HS6ST3: variants seen among roughly 807,000 people sequenced by gnomAD.
HS6ST3 encodes heparan sulfate 6-O-sulfotransferase 3.
In HS6ST3, 12 loss-of-function variants were observed where a neutral mutation model predicts 36.7. That is an observed-to-expected ratio of 0.33 (90% CI 0.21 to 0.53). HS6ST3 has a LOEUF of 0.53. HS6ST3 is among the 20% of genes least tolerant of loss of function. The pLI is 0.95. For missense variants in HS6ST3, 584 were observed against 640.9 expected (o/e 0.91, Z 0.96); for synonymous variants, 240 against 257.5 (o/e 0.93, Z 0.65).
At chr13:96,515,460 A>G (rs1287455272) in intron 1 of HS6ST3, among the ~76,000 whole-genome samples, 1 of 152,196 alleles carries the variant, frequency 6.6e-6, no homozygotes, top group African/African-American at 2.4e-5. Flanking sequence ...CATGCAGAGC[A>G]CATTCACGTT....
At chr13:96,693,885 T>C (rs1334289506) in intron 1 of HS6ST3, among the ~76,000 whole-genome samples, 2 of 152,204 alleles carry the variant, frequency 1.3e-5, no homozygotes, top group Non-Finnish European at 2.9e-5. Flanking sequence ...TTAATTCATA[T>C]TTGCTGCTGT....
At chr13:96,821,180 C>T (rs530920670) in intron 1 of HS6ST3, among the ~76,000 whole-genome samples, 3 of 152,302 alleles carry the variant, frequency 2.0e-5, no homozygotes, top group South Asian at 2.1e-4. Flanking sequence ...TCAGAGCATC[C>T]TCTGGATCCA....
At chr13:96,284,938 T>G (rs866072266) in intron 1 of HS6ST3, among the ~76,000 whole-genome samples, 2,278 of 144,576 alleles carry the variant, frequency 0.016, 84 homozygotes, top group African/African-American at 0.053. Flanking sequence ...TTTCTTTCTT[T>G]CTTTCTTTCT....
intron 1 of HS6ST3, among the ~76,000 whole-genome samples, chr13:96,745,093 T>C (rs1352597888): frequency 5.9e-5 from 9 of 152,056 alleles, no homozygotes; most frequent in Non-Finnish European, 7.4e-5. Context: ...TCCAAGAAGA[T>C]ACATGGCCTC....
At chr13:96,786,734 T>C (rs1400209667) in intron 1 of HS6ST3, among the ~76,000 whole-genome samples, 1 of 152,232 alleles carries the variant, frequency 6.6e-6, no homozygotes, top group Admixed American at 6.5e-5. Flanking sequence ...TAAATTATTT[T>C]TAAATTTTTA....
chr13:96,566,551 C>T (rs114854299), intron 1 of HS6ST3, among the ~76,000 whole-genome samples: 11 of 151,910 alleles, frequency 7.2e-5, no homozygotes, highest in East Asian at 3.9e-4. Context: ...TATTCTTGAA[C>T]GAGGAAAACA....
At chr13:96,340,844 C>G (rs1255218482) in intron 1 of HS6ST3, among the ~76,000 whole-genome samples, 2 of 152,154 alleles carry the variant, frequency 1.3e-5, no homozygotes, top group East Asian at 3.8e-4. Context: ...AATATTCACC[C>G]CAAAAATCTT....
At chr13:96,667,566 T>C (rs919753683) in intron 1 of HS6ST3, among the ~76,000 whole-genome samples, 7 of 152,160 alleles carry the variant, frequency 4.6e-5, no homozygotes, top group African/African-American at 1.4e-4. Flanking sequence ...AGAACGATAA[T>C]GACTCGTAAA....
chr13:96,317,365 TATAA>T (rs2054979300), intron 1 of HS6ST3, among the ~76,000 whole-genome samples: 4 of 18,614 alleles, frequency 2.1e-4, no homozygotes, highest in East Asian at 1.5e-3. Flanking sequence ...TATATATATA[TATAA>T]AATTATATAT....
chr13:96,556,160 A>G (rs959624312), intron 1 of HS6ST3, among the ~76,000 whole-genome samples: 2 of 152,118 alleles, frequency 1.3e-5, no homozygotes, highest in East Asian at 3.9e-4. Context: ...TGATCAACCC[A>G]CTATTGACCA....
At chr13:96,290,017 G>A (rs1000535657) in intron 1 of HS6ST3, among the ~76,000 whole-genome samples, 2 of 152,112 alleles carry the variant, frequency 1.3e-5, no homozygotes, top group Non-Finnish European at 2.9e-5. Flanking sequence ...CTTATCTTCC[G>A]AGAAGTCTAT....
intron 1 of HS6ST3, among the ~76,000 whole-genome samples, chr13:96,441,686 C>G (rs2055672167): frequency 6.6e-6 from 1 of 152,042 alleles, no homozygotes; most frequent in African/African-American, 2.4e-5. Flanking sequence ...GAGCATGATG[C>G]TGTAAAAGTG....
intron 1 of HS6ST3, among the ~76,000 whole-genome samples, chr13:96,809,251 C>T (rs555811514): frequency 5.9e-5 from 9 of 152,250 alleles, no homozygotes; most frequent in African/African-American, 1.7e-4. Flanking sequence ...CCAATGCTAA[C>T]ATGACTCTCC....
intron 1 of HS6ST3, among the ~76,000 whole-genome samples, chr13:96,542,408 C>G (rs1330453611): frequency 1.3e-5 from 2 of 152,120 alleles, no homozygotes; most frequent in Non-Finnish European, 2.9e-5. Context: ...TTATGTCACC[C>G]TAAAATATAT....
rs760284644 is a variant in HS6ST3 at position 96,091,097 on chromosome 13, CCCGAGGGACCTCGGGGGG to C, written c.239_256del (p.Glu80_Ala85del). The C allele has an allele frequency of 2.2e-6, 3 of 1,357,070 alleles. No individual in the cohort carries two copies. Among genetic ancestry groups the C allele is most frequent in the African/African-American group, 3.1e-5 (2 of 65,052 alleles). 84.1% of individuals were successfully genotyped at this position (1,357,070 alleles called of 1,614,324 possible). On this transcript the variant is annotated inframe_deletion, in exon 1 of 2. Transcript: ENST00000376705. ...GTTGCCCCCGCCGCCCCGGGGGCCC[CCCGAGGGACCTCGGGGGG>C]CCGCGGCGCCGGAGGAGGAGGACGA... is the stretch of plus-strand genomic sequence containing the variant.
rs533567129 is a variant in HS6ST3 at position 96,465,135 on chromosome 13, C to G, written c.708-367355C>G. Among the ~76,000 whole-genome samples, 159 of 152,252 alleles carry G rather than the reference C, an allele frequency of 1.0e-3. 1 individual carries two copies. Among genetic ancestry groups the G allele is most frequent in the Middle Eastern group, 6.8e-3 (2 of 294 alleles). ...ATTAGGTTGTAGATGGGGACGCTTACCCACTTCTGTTGGGAATAGATATTG... is the reference window on the plus strand; with the variant it reads ...ATTAGGTTGTAGATGGGGACGCTTAGCCACTTCTGTTGGGAATAGATATTG... On this transcript the variant is annotated intron_variant, in intron 1 of 1. Coordinates refer to ENST00000376705, the MANE Select transcript of HS6ST3 (RefSeq NM_153456.4).
At chr13:96,748,992 ACTT>A (rs1876629403) in intron 1 of HS6ST3, among the ~76,000 whole-genome samples, 1 of 152,198 alleles carries the variant, frequency 6.6e-6, no homozygotes, top group East Asian at 1.9e-4. Context: ...TCAGTTAAAT[ACTT>A]TTAGCTCGTC....
At chr13:96,537,655 A>G (rs548067319) in intron 1 of HS6ST3, among the ~76,000 whole-genome samples, 1 of 152,336 alleles carries the variant, frequency 6.6e-6, no homozygotes, top group East Asian at 1.9e-4. Context: ...CTTAATGACT[A>G]GAAGTAGGGT....
At chr13:96,488,920 A>G (rs1353994410) in intron 1 of HS6ST3, among the ~76,000 whole-genome samples, 1 of 152,034 alleles carries the variant, frequency 6.6e-6, no homozygotes, top group Non-Finnish European at 1.5e-5. Context: ...GGGAAAATAG[A>G]TATAAAAAAT....
Sources: allele counts gnomAD v4.1 joint callset (sites outside exome capture counted in the v4.1 genomes callset), GRCh38; gene constraint gnomAD v4.1.1; transcripts MANE v1.5; gene names NCBI Gene and HGNC (gene_info 2026-07-23, HGNC 2026-07-21).